SLC22A11: variants seen among roughly 807,000 people sequenced by gnomAD.
SLC22A11 encodes the protein organic anion transporter 4.
In SLC22A11, 42 loss-of-function variants were observed where a neutral mutation model predicts 49.4. The observed-to-expected ratio is 0.85, with a 90% CI of 0.66 to 1.10. The LOEUF is 1.10. Ranked by LOEUF, SLC22A11 falls within the 50% of genes least tolerant of loss-of-function variation. The pLI is 0.00. For synonymous variants in SLC22A11, 304 were observed against 315.8 expected (o/e 0.96, Z 0.40); for missense variants, 685 against 731.6 (o/e 0.94, Z 0.74).
intron 2 of SLC22A11, among the ~76,000 whole-genome samples, chr11:64,559,532 C>T (rs2038513028): frequency 6.6e-6 from 1 of 152,088 alleles, no homozygotes; most frequent in African/African-American, 2.4e-5. Context: ...GGTCATAGGC[C>T]TCCTCCATGC....
At position 64,556,265 on chromosome 11, in the gene SLC22A11, G is replaced by A. The variant is rs200687218; in HGVS notation, c.266G>A (p.Arg89His). Reference protein sequence around the residue: ...NQGPHQCRRFRQPQWQLLDPN... With the variant: ...NQGPHQCRRFHQPQWQLLDPN... ...GGGCCCCACCAGTGCCGCCGCTTCC[G>A]CCAGCCACAGTGGCAGCTCTTGGAC... Residue 89 changes from arginine to histidine, a missense_variant, in exon 1 of 10, where the codon CGC becomes CAC. Arg to His is a conservative substitution (Grantham distance 29). Coordinates refer to ENST00000301891, the MANE Select transcript of SLC22A11 (RefSeq NM_018484.4). 21 of 1,611,662 alleles carry A rather than the reference G, an allele frequency of 1.3e-5. No individual in the cohort carries two copies. The highest frequency in any genetic ancestry group is 5.0e-5 in the Admixed American group (3 of 59,994).
At chr11:64,559,890 G>A (rs1183424838) in intron 2 of SLC22A11, among the ~76,000 whole-genome samples, 1 of 152,170 alleles carries the variant, frequency 6.6e-6, no homozygotes, top group South Asian at 2.1e-4. Context: ...CTGAAGCCTA[G>A]GCCTGCTGGC....
chr11:64,569,808 G>C lies in SLC22A11; in HGVS notation c.1539G>C (p.Pro513=). 6.2e-7 allele frequency: 1 copy of C among 1,613,858 alleles called. No individual in the cohort carries two copies. Residue 513 remains proline, a synonymous_variant, in exon 9 of 10, where the codon CCG becomes CCC. Transcript: ENST00000301891. ...GCCTGGTTGTGCTGTTCTTCCTCCCGGAGACCCAGGGACTTCCGCTCCCTG... is the reference window on the plus strand; with the variant it reads ...GCCTGGTTGTGCTGTTCTTCCTCCCCGAGACCCAGGGACTTCCGCTCCCTG... ...ASSLVVLFFL[P]ETQGLPLPDT...
rs1383027723 is a variant in SLC22A11 at position 64,569,833 on chromosome 11, G to C, written c.1564G>C (p.Asp522His). 6.2e-7 allele frequency: 1 copy of C among 1,613,640 alleles called. No individual in the cohort carries two copies. Among genetic ancestry groups the C allele is most frequent in the Non-Finnish European group, 8.5e-7 (1 of 1,180,028 alleles). ...LPETQGLPLP[D>H]TIQDLESQKS... is the part of the protein sequence containing the mutation. The stretch of plus-strand genomic sequence containing the variant: ...GGAGACCCAGGGACTTCCGCTCCCT[G>C]ACACTATCCAGGACCTGGAGAGCCA... Residue 522 changes from aspartate to histidine, a missense_variant, in exon 9 of 10, where the codon GAC becomes CAC. By Grantham distance (81) the Asp-to-His change is moderately conservative. Transcript: ENST00000301891.
intron 1 of SLC22A11, among the ~76,000 whole-genome samples, chr11:64,556,611 A>G (rs1210114015): frequency 3.3e-5 from 5 of 152,060 alleles, no homozygotes; most frequent in Admixed American, 6.5e-5. Context: ...CTGGGTGGGC[A>G]CCTCTGAATG....
chr11:64,560,145 C>T (rs552362659), intron 2 of SLC22A11, among the ~76,000 whole-genome samples: 1 of 151,774 alleles, frequency 6.6e-6, no homozygotes, highest in Admixed American at 6.6e-5. Flanking sequence ...CTGCGCTGTC[C>T]CCTGGCCTCC....
In SLC22A11 at chr11:64,559,225, C is replaced by G. The variant is rs1484698063; in HGVS notation, c.484C>G (p.Leu162Val). The change falls in exon 2 of 10, where the codon CTC (leucine) becomes GTC (valine). Residue 162 changes from leucine to valine, a missense_variant. Physicochemically the swap from Leu to Val is conservative, Grantham distance 32. Transcript: ENST00000301891. ...GILVGSFIWG[L>V]LSYRFGRKPM... ...CCTGGTGGGCTCCTTTATCTGGGGC[C>G]TCCTCTCCTACCGGTGAGTGCCTCC... The G allele has an allele frequency of 6.2e-7, 1 of 1,606,662 alleles. No homozygotes were observed. Among genetic ancestry groups the G allele is most frequent in the Non-Finnish European group, 8.5e-7 (1 of 1,175,386 alleles).
At chr11:64,561,140 G>T (rs1330643118) in intron 2 of SLC22A11, among the ~76,000 whole-genome samples, 2 of 152,214 alleles carry the variant, frequency 1.3e-5, no homozygotes, top group Non-Finnish European at 2.9e-5. Context: ...AGACTCAGCC[G>T]GCCTGGAGGC....
At position 64,561,994 on chromosome 11, in the gene SLC22A11, C is replaced by T; in HGVS notation, c.498-10C>T. The T allele has an allele frequency of 7.5e-6, 12 of 1,609,850 alleles. No individual in the cohort carries two copies. The highest frequency in any genetic ancestry group is 9.3e-6 in the Non-Finnish European group (11 of 1,177,598). ...CTCTCCAGGCCCCGTGTGCTTCTCT[C>T]CTGTGACAGGTTTGGGAGGAAGCCG... On this transcript the variant is annotated splice_polypyrimidine_tract_variant and intron_variant, in intron 2 of 9. Coordinates refer to ENST00000301891, the MANE Select transcript of SLC22A11 (RefSeq NM_018484.4).
chr11:64,556,214 T>C lies in SLC22A11; in HGVS notation c.215T>C (p.Ile72Thr). Residue 72 changes from isoleucine to threonine, a missense_variant, in exon 1 of 10, where the codon ATC becomes ACC. By Grantham distance (89) the Ile-to-Thr change is moderately conservative. Transcript: ENST00000301891. ...ATGACCCCCAAGGCCCTTCTGACCA[T>C]CTCCATCCCGCCAGGCCCCAACCAG... ...TNMTPKALLT[I>T]SIPPGPNQGP... The C allele has an allele frequency of 6.2e-7, 1 of 1,614,000 alleles. No homozygotes were observed. The highest frequency in any genetic ancestry group is 8.5e-7 in the Non-Finnish European group (1 of 1,180,004).
At chr11:64,567,473 C>T (rs1017956054) in intron 6 of SLC22A11, 126 bp from the exon 7 acceptor site, 6 of 848,798 alleles carry the variant, frequency 7.1e-6, no homozygotes, top group South Asian at 1.6e-5. Context: ...CTGGCCGAGA[C>T]AAGCCCAGGA....
chr11:64,562,063 G>T lies in SLC22A11; in HGVS notation c.557G>T (p.Ser186Ile). 1 of 1,613,796 alleles carries T rather than the reference G, an allele frequency of 6.2e-7. No homozygotes were observed. Among genetic ancestry groups the T allele is most frequent in the African/African-American group, 1.3e-5 (1 of 75,060 alleles). Residue 186 changes from serine to isoleucine, a missense_variant, in exon 3 of 10, where the codon AGC (serine) becomes ATC (isoleucine). Physicochemically the swap from Ser to Ile is moderately radical, Grantham distance 142 (BLOSUM62 -2). Transcript: ENST00000301891. This position sits in a 1 kb window ranked among gnomAD's most constrained non-coding sequence, Gnocchi z 4.4. ...CCLQLAVAGT[S>I]TIFAPTFVIY... ...CTGCAGTTGGCCGTGGCGGGCACCA[G>T]CACCATCTTCGCCCCAACATTCGTC... is the stretch of plus-strand genomic sequence containing the variant.
At position 64,565,330 on chromosome 11, in the gene SLC22A11, G is replaced by A; in HGVS notation, c.1051G>A (p.Val351Met). The A allele has an allele frequency of 1.3e-6, 2 of 1,549,368 alleles. No individual in the cohort carries two copies. The highest frequency in any genetic ancestry group is 1.7e-6 in the Non-Finnish European group (2 of 1,147,020). Reference protein sequence around the residue: ...VLRWRSCAMLVVNFSLLISYY... With the variant: ...VLRWRSCAMLMVNFSLLISYY... The stretch of plus-strand genomic sequence containing the variant: ...CCGCTGGAGGAGCTGCGCCATGCTG[G>A]TGGTGAAGTACGCCGTCCTGGTGTC... Residue 351 changes from valine to methionine, a missense_variant, in exon 6 of 10, where the codon GTG (valine) becomes ATG (methionine). Physicochemically the swap from Val to Met is conservative, Grantham distance 21. Coordinates refer to ENST00000301891, the MANE Select transcript of SLC22A11 (RefSeq NM_018484.4). This position sits in a 1 kb window ranked among gnomAD's most constrained non-coding sequence, Gnocchi z 4.1.
At chr11:64,563,380 A>G (rs1318904153) in intron 4 of SLC22A11, among the ~76,000 whole-genome samples, 1 of 152,052 alleles carries the variant, frequency 6.6e-6, no homozygotes, top group Non-Finnish European at 1.5e-5. Context: ...GGTGAATGCC[A>G]GAGGCAGGAT....
chr11:64,570,937 C>T, intron 9 of SLC22A11, 42 bp from the exon 10 acceptor site: 3 of 1,608,868 alleles, frequency 1.9e-6, no homozygotes, highest in Non-Finnish European at 2.6e-6. Flanking sequence ...GAGTACATAC[C>T]CACTTCACCA....
chr11:64,568,567 G>A lies in SLC22A11; in HGVS notation c.1274-103G>A, dbSNP rs978062130. 5 of 915,698 alleles carry A rather than the reference G, an allele frequency of 5.5e-6. No individual in the cohort carries two copies. In the East Asian group the frequency reaches 1.2e-4, roughly 22 times the overall value. The allele number at this position is 915,698 out of a possible 1,614,324, so 56.7% of individuals were successfully genotyped here. On this transcript the variant is annotated intron_variant, in intron 7 of 9. Coordinates refer to ENST00000301891, the MANE Select transcript of SLC22A11 (RefSeq NM_018484.4). ...AGCCAGCAGGGCCGGGGACTTGTAG[G>A]GAGCCCAGGGTCCCCTCTGCTCCAG...
At chr11:64,566,256 A>T (rs920181841) in intron 6 of SLC22A11, 2 of 152,152 alleles carry the variant, frequency 1.3e-5, no homozygotes, top group Non-Finnish European at 2.9e-5. Flanking sequence ...AGGAAAAAAA[A>T]AAAAACCTAA....
chr11:64,570,561 G>A (rs1045265656), intron 9 of SLC22A11, among the ~76,000 whole-genome samples: 5 of 152,198 alleles, frequency 3.3e-5, no homozygotes, highest in Admixed American at 1.3e-4. Context: ...TGTGTCCTGG[G>A]TGACTGTTCA....
chr11:64,566,423 A>AT (rs1565123281), intron 6 of SLC22A11: 2 of 151,540 alleles, frequency 1.3e-5, no homozygotes, highest in South Asian at 2.1e-4. Flanking sequence ...AAAAACTTCA[A>AT]TTTTTTTCTG....
Sources: allele counts gnomAD v4.1 joint callset (sites outside exome capture counted in the v4.1 genomes callset), GRCh38; gene constraint gnomAD v4.1.1; non-coding constraint Gnocchi (gnomAD v3.1); transcripts MANE v1.5; gene names NCBI Gene and HGNC (gene_info 2026-07-23, HGNC 2026-07-21).